Variants in ROBO2 observed in about 807,000 individuals in gnomAD.
ROBO2 encodes the protein roundabout homolog 2.
Under a neutral mutation model 160.8 loss-of-function variants are expected in ROBO2, and 53 were observed. That is an observed-to-expected ratio of 0.33 (90% CI 0.26 to 0.41). The LOEUF (loss-of-function observed/expected upper bound fraction) is 0.41. Ranked by LOEUF, ROBO2 falls within the 10% of genes least tolerant of loss-of-function variation. ROBO2 has a pLI of 1.00. For synonymous variants in ROBO2, 664 were observed against 611.7 expected (o/e 1.09, Z -1.26); for missense variants, 1,577 against 1,722.4 (o/e 0.92, Z 1.49).
chr3:76,732,870 T>C (rs2093657057), intron 2 of ROBO2, among the ~76,000 whole-genome samples: 1 of 151,998 alleles, frequency 6.6e-6, no homozygotes, highest in Non-Finnish European at 1.5e-5. Context: ...GAATGTGAGG[T>C]TTATGATGAG....
rs181249328 is a variant in ROBO2 at position 76,097,328 on chromosome 3, G to T, written c.109+159726G>T. Among the ~76,000 whole-genome samples, 11 of 152,058 alleles carry T rather than the reference G, an allele frequency of 7.2e-5. No homozygotes were observed. In the East Asian group the frequency reaches 1.9e-3, roughly 27 times the overall value. Reference sequence around the variant, plus strand: ...ATCTCATAGCCTAGCACCTGAACTTGCTCCTGGAGAGCTACATGGTCCGTT... The same window carrying T: ...ATCTCATAGCCTAGCACCTGAACTTTCTCCTGGAGAGCTACATGGTCCGTT... On this transcript the variant is annotated intron_variant, in intron 2 of 26. Transcript: ENST00000487694.
intron 2 of ROBO2, among the ~76,000 whole-genome samples, chr3:76,979,678 G>A (rs780135109): frequency 5.3e-5 from 8 of 150,482 alleles, no homozygotes; most frequent in Non-Finnish European, 1.2e-4. Flanking sequence ...TGGGGTAGTG[G>A]GATTGCTGGA....
rs369002119 is a variant in ROBO2, at chr3:76,561,958, A to T, written c.110-536056A>T. ...GCATCCTTTTCAGGAAACTTCATAT[A>T]GAAGTCTGCTGGCACTTTCCTCTTG... is the stretch of plus-strand genomic sequence containing the variant. On this transcript the variant is annotated intron_variant, in intron 2 of 26. Coordinates refer to the ROBO2 transcript ENST00000487694. Among the ~76,000 whole-genome samples, 17 of 152,244 alleles carry T rather than the reference A, an allele frequency of 1.1e-4. No individual in the cohort carries two copies. The East Asian group carries it at 3.1e-3, about 28-fold the overall frequency.
intron 2 of ROBO2, among the ~76,000 whole-genome samples, chr3:76,208,883 G>T (rs62267402): frequency 0.33 from 49,776 of 151,902 alleles, 9,062 homozygotes; most frequent in Non-Finnish European, 0.4. Context: ...CCCCTATAAT[G>T]ACAAGCTGAA....
intron 2 of ROBO2, among the ~76,000 whole-genome samples, chr3:76,482,605 T>C (rs2079272833): frequency 6.6e-6 from 1 of 152,134 alleles, no homozygotes; most frequent in Non-Finnish European, 1.5e-5. Flanking sequence ...TCTAGAGACG[T>C]AGGTTAAGAA....
chr3:76,389,918 T>A (rs1337364121), intron 2 of ROBO2, among the ~76,000 whole-genome samples: 3 of 152,198 alleles, frequency 2.0e-5, no homozygotes, highest in Admixed American at 6.5e-5. Flanking sequence ...ACATGAGAGT[T>A]ACATTTATCT....
At chr3:76,869,648 C>A (rs557911619) in intron 2 of ROBO2, among the ~76,000 whole-genome samples, 1 of 151,934 alleles carries the variant, frequency 6.6e-6, no homozygotes, top group Non-Finnish European at 1.5e-5. Context: ...CGCGCCCGGC[C>A]GATCTTTTTT....
At chr3:77,205,857 T>C (rs1455875632) in intron 2 of ROBO2, among the ~76,000 whole-genome samples, 5 of 152,180 alleles carry the variant, frequency 3.3e-5, no homozygotes, top group Admixed American at 3.3e-4. Flanking sequence ...AGATCAGGGT[T>C]ACAGGGAATA....
chr3:76,556,606 T>C (rs1383513979), intron 2 of ROBO2, among the ~76,000 whole-genome samples: 1 of 152,170 alleles, frequency 6.6e-6, no homozygotes, highest in African/African-American at 2.4e-5. Context: ...CTAATTGGAA[T>C]TTTTGTGAAT....
chr3:76,073,160 C>G (rs775486199), intron 2 of ROBO2, among the ~76,000 whole-genome samples: 30 of 149,810 alleles, frequency 2.0e-4, no homozygotes, highest in Non-Finnish European at 3.4e-4. Context: ...ATAATTAAGT[C>G]TAGTATCATT....
chr3:77,590,967 T>C (rs976472992), intron 17 of ROBO2, among the ~76,000 whole-genome samples: 1 of 152,076 alleles, frequency 6.6e-6, no homozygotes, highest in African/African-American at 2.4e-5. Flanking sequence ...TTCAGGTGTT[T>C]TGGAGTAAGG....
At chr3:77,112,860 A>T (rs563855390) in intron 2 of ROBO2, among the ~76,000 whole-genome samples, 1 of 152,270 alleles carries the variant, frequency 6.6e-6, no homozygotes, top group South Asian at 2.1e-4. Flanking sequence ...AATAAACCTA[A>T]AAAGTTGCAT....
At chr3:77,315,656 AT>A (rs2153426075) in intron 2 of ROBO2, among the ~76,000 whole-genome samples, 1 of 152,340 alleles carries the variant, frequency 6.6e-6, no homozygotes, top group South Asian at 2.1e-4. Flanking sequence ...TTATAAATAT[AT>A]ACCTCCAATG....
At chr3:76,318,657 A>C (rs1173700596) in intron 2 of ROBO2, among the ~76,000 whole-genome samples, 2 of 152,146 alleles carry the variant, frequency 1.3e-5, no homozygotes, top group African/African-American at 4.8e-5. Flanking sequence ...CTACATTTTC[A>C]AAGGGTTTAC....
chr3:76,964,598 G>A (rs1297486153), intron 2 of ROBO2, among the ~76,000 whole-genome samples: 7 of 152,174 alleles, frequency 4.6e-5, no homozygotes, highest in Non-Finnish European at 4.4e-5. Flanking sequence ...ACCCTCCTCA[G>A]TCTCCAATAT....
intron 2 of ROBO2, among the ~76,000 whole-genome samples, chr3:76,290,956 T>G (rs146876157): frequency 1.3e-5 from 2 of 152,222 alleles, no homozygotes; most frequent in Admixed American, 1.3e-4. Flanking sequence ...ATGTTTGCAT[T>G]AATACCTGTT....
At chr3:76,183,357 G>A (rs1259096177) in intron 2 of ROBO2, among the ~76,000 whole-genome samples, 1 of 152,124 alleles carries the variant, frequency 6.6e-6, no homozygotes, top group Admixed American at 6.6e-5. Flanking sequence ...ACTGAGGTGA[G>A]CCCAAATTCA....
At chr3:76,486,379 C>T (rs1297545600) in intron 2 of ROBO2, among the ~76,000 whole-genome samples, 4 of 152,122 alleles carry the variant, frequency 2.6e-5, no homozygotes, top group Middle Eastern at 6.8e-3. Flanking sequence ...TCGGTGGTTA[C>T]GCAGAGGGAT....
chr3:76,555,447 A>G (rs2083727913), intron 2 of ROBO2, among the ~76,000 whole-genome samples: 1 of 142,914 alleles, frequency 7.0e-6, no homozygotes, highest in African/African-American at 2.5e-5. Context: ...GGGAAGAGGA[A>G]GAGGAAGAGG....
Sources: allele counts gnomAD v4.1 joint callset (sites outside exome capture counted in the v4.1 genomes callset), GRCh38; gene constraint gnomAD v4.1.1; transcripts MANE v1.5; gene names NCBI Gene and HGNC (gene_info 2026-07-23, HGNC 2026-07-21).